The following GRB10 variants were observed in gnomAD, a reference collection of about 807,000 sequenced individuals.
GRB10 encodes the protein growth factor receptor-bound protein 10.
Under a neutral mutation model 80.9 loss-of-function variants are expected in GRB10, and 20 were observed. The ratio of observed to expected loss-of-function variants is 0.25; its 90% CI spans 0.17 to 0.36. The LOEUF (loss-of-function observed/expected upper bound fraction) is 0.36. Ranked by LOEUF, GRB10 falls within the 10% of genes least tolerant of loss-of-function variation. GRB10 has a pLI of 1.00. For synonymous variants in GRB10, 291 were observed against 291.5 expected (o/e 1.00, Z 0.02); for missense variants, 548 against 747.7 (o/e 0.73, Z 3.12).
intron 7 of GRB10, among the ~76,000 whole-genome samples, chr7:50,627,352 T>C (rs1391073127): frequency 3.3e-5 from 5 of 151,960 alleles, no homozygotes; most frequent in African/African-American, 1.2e-4. Context: ...TTGAACCAAT[T>C]GAAAAAACAA....
intron 7 of GRB10, among the ~76,000 whole-genome samples, chr7:50,660,343 T>C (rs532815382): frequency 6.6e-6 from 1 of 150,836 alleles, no homozygotes; most frequent in African/African-American, 2.4e-5. Context: ...GGAAGGGAGG[T>C]AGGGCACAGC....
intron 2 of GRB10, among the ~76,000 whole-genome samples, chr7:50,770,202 C>G (rs969654298): frequency 6.6e-6 from 1 of 152,230 alleles, no homozygotes; most frequent in African/African-American, 2.4e-5. Flanking sequence ...CAGCATCTAG[C>G]ATTACCACTT....
intron 17 of GRB10, 107 bp from the exon 18 acceptor site, chr7:50,595,637 AGG>A: frequency 1.3e-6 from 1 of 745,490 alleles, no homozygotes; most frequent in Non-Finnish European, 2.4e-6. Flanking sequence ...ACACACACAC[AGG>A]CTTGGAGCCA....
intron 1 of GRB10, chr7:50,792,456 C>T (rs1206502807): frequency 1.0e-5 from 4 of 398,562 alleles, no homozygotes; most frequent in Admixed American, 4.4e-5. Context: ...ATTTCCATAA[C>T]GCACATGCTC....
chr7:50,789,638 G>A (rs2078832608), intron 1 of GRB10, among the ~76,000 whole-genome samples: 1 of 152,196 alleles, frequency 6.6e-6, no homozygotes, highest in African/African-American at 2.4e-5. Context: ...CTCTGTTGCT[G>A]GGTCCAGCCC....
intron 3 of GRB10, among the ~76,000 whole-genome samples, chr7:50,742,851 G>T (rs898748736): frequency 2.0e-5 from 3 of 151,954 alleles, no homozygotes; most frequent in African/African-American, 7.3e-5. Flanking sequence ...AAATATTGGG[G>T]AAAAAATTCA....
At chr7:50,749,473 T>C (rs906838444) in intron 3 of GRB10, among the ~76,000 whole-genome samples, 2 of 152,220 alleles carry the variant, frequency 1.3e-5, no homozygotes, top group African/African-American at 4.8e-5. Context: ...AATTGTGAGA[T>C]GGAATTTTAA....
chr7:50,613,657 C>T (rs2049993624), intron 12 of GRB10, among the ~76,000 whole-genome samples: 1 of 152,198 alleles, frequency 6.6e-6, no homozygotes, highest in Non-Finnish European at 1.5e-5. Context: ...ACTGCGTTTG[C>T]AGAGACAGGC....
At chr7:50,676,344 G>GGGGGGGGGGGGGGC (rs1563400777) in intron 5 of GRB10, among the ~76,000 whole-genome samples, 11 of 136,014 alleles carry the variant, frequency 8.1e-5, no homozygotes, top group East Asian at 2.1e-4. Flanking sequence ...CCGGGGGGGG[G>GGGGGGGGGGGGGGC]GGGGGGTTGT....
chr7:50,773,353 G>T (rs1165466027), intron 2 of GRB10, among the ~76,000 whole-genome samples: 3 of 145,844 alleles, frequency 2.1e-5, no homozygotes, highest in African/African-American at 7.6e-5. Context: ...GGAAGGGGAA[G>T]AAAGGCAAGG....
chr7:50,679,919 T>C (rs2061369875), intron 5 of GRB10, among the ~76,000 whole-genome samples: 1 of 152,252 alleles, frequency 6.6e-6, no homozygotes, highest in Non-Finnish European at 1.5e-5. Context: ...CAAATATAAC[T>C]TAACCTTCTA....
At chr7:50,696,989 A>T (rs748999887) in intron 5 of GRB10, among the ~76,000 whole-genome samples, 7 of 152,240 alleles carry the variant, frequency 4.6e-5, no homozygotes, top group Non-Finnish European at 8.8e-5. Flanking sequence ...CTTCAAAAGG[A>T]AGGAAATTCT....
intron 17 of GRB10, among the ~76,000 whole-genome samples, chr7:50,602,470 C>T (rs2047775351): frequency 6.6e-6 from 1 of 152,184 alleles, no homozygotes; most frequent in African/African-American, 2.4e-5. Context: ...CTGATCACAC[C>T]ATGACCACCA....
chr7:50,634,931 C>A (rs2262464), intron 7 of GRB10, among the ~76,000 whole-genome samples: 80,258 of 152,104 alleles, frequency 0.53, 21,318 homozygotes, highest in Admixed American at 0.54. Context: ...ACAGCAATAC[C>A]ATAATAGTGG....
chr7:50,787,420 T>A (rs1218238943), upstream of GRB10, among the ~76,000 whole-genome samples: 2 of 152,238 alleles, frequency 1.3e-5, no homozygotes, highest in African/African-American at 4.8e-5. Flanking sequence ...TACATATCAC[T>A]CTGATTTTAA....
intron 8 of GRB10, among the ~76,000 whole-genome samples, chr7:50,625,573 G>A (rs1456486687): frequency 6.6e-6 from 1 of 152,170 alleles, no homozygotes; most frequent in East Asian, 1.9e-4. Context: ...TAGTCTCCAT[G>A]GGAACAACTG....
chr7:50,612,020 C>T (rs139631283), intron 13 of GRB10, among the ~76,000 whole-genome samples: 1 of 152,312 alleles, frequency 6.6e-6, no homozygotes, highest in East Asian at 1.9e-4. Flanking sequence ...AAAGTGACTA[C>T]AGTAAACAGC....
intron 17 of GRB10, among the ~76,000 whole-genome samples, chr7:50,602,441 C>G (rs1286965108): frequency 1.3e-5 from 2 of 152,258 alleles, no homozygotes; most frequent in Middle Eastern, 3.4e-3. Flanking sequence ...CCTGCAGACA[C>G]CAGGCAGAAG....
At chr7:50,786,435 T>G (rs2078697155), upstream of GRB10, among the ~76,000 whole-genome samples, 1 of 152,264 alleles carries the variant, frequency 6.6e-6, no homozygotes, top group Middle Eastern at 3.4e-3. Flanking sequence ...TTCAAGGAAC[T>G]TCGGAACAAA....
Sources: allele counts gnomAD v4.1 joint callset (sites outside exome capture counted in the v4.1 genomes callset), GRCh38; gene constraint gnomAD v4.1.1; transcripts MANE v1.5; gene names NCBI Gene and HGNC (gene_info 2026-07-23, HGNC 2026-07-21).